SHISA9: variants seen among roughly 807,000 people sequenced by gnomAD.
The protein encoded by SHISA9 is shisa family member 9, also known as protein shisa-9.
In SHISA9, 13 loss-of-function variants were observed where a neutral mutation model predicts 38.0. The observed-to-expected ratio is 0.34, with a 90% CI of 0.22 to 0.54. The LOEUF is 0.54. SHISA9 is among the 20% of genes least tolerant of loss of function. SHISA9 has a pLI of 0.91. For synonymous variants in SHISA9, 275 were observed against 242.0 expected, an observed-to-expected ratio of 1.14 and a Z score of -1.27; for missense variants, 538 against 575.8, an observed-to-expected ratio of 0.93 and a Z score of 0.67.
intron 2 of SHISA9, among the ~76,000 whole-genome samples, chr16:13,067,949 C>T (rs1020956713): frequency 6.6e-6 from 1 of 152,252 alleles, no homozygotes; most frequent in Non-Finnish European, 1.5e-5. Flanking sequence ...CATTAATGCT[C>T]ACCATGCTAC....
At chr16:13,482,943 C>G in the SHISA9 span, among the ~76,000 whole-genome samples, 24 of 152,066 alleles carry the variant, frequency 1.6e-4, no homozygotes, top group African/African-American at 5.6e-4. Flanking sequence ...GCTGGTGCCC[C>G]AAGGCTGAGA....
At chr16:12,964,161 A>T (rs1480022001) in intron 2 of SHISA9, among the ~76,000 whole-genome samples, 3 of 152,224 alleles carry the variant, frequency 2.0e-5, no homozygotes, top group African/African-American at 7.2e-5. Flanking sequence ...CTAAGGTGCT[A>T]AATTTGAAAA....
chr16:12,903,673 C>A (rs2071053719), intron 1 of SHISA9, among the ~76,000 whole-genome samples: 2 of 152,096 alleles, frequency 1.3e-5, no homozygotes, highest in South Asian at 4.1e-4. Context: ...TGACTAGCGG[C>A]CTGCGAACAG....
the SHISA9 span, among the ~76,000 whole-genome samples, chr16:13,367,152 A>G: frequency 6.6e-6 from 1 of 151,790 alleles, no homozygotes; most frequent in East Asian, 1.9e-4. Context: ...TAAACCAACT[A>G]CAGTACTAGG....
chr16:13,155,709 G>C (rs895043911), intron 2 of SHISA9, among the ~76,000 whole-genome samples: 1 of 152,106 alleles, frequency 6.6e-6, no homozygotes, highest in African/African-American at 2.4e-5. Flanking sequence ...ACTGGGCCTG[G>C]GGGAAACGTG....
chr16:13,450,377 TG>T, the SHISA9 span, among the ~76,000 whole-genome samples: 1 of 152,186 alleles, frequency 6.6e-6, no homozygotes. Flanking sequence ...TTAGCCAAAC[TG>T]GTCTCCCATC....
chr16:13,402,024 C>T, the SHISA9 span, among the ~76,000 whole-genome samples: 2 of 152,152 alleles, frequency 1.3e-5, no homozygotes, highest in African/African-American at 2.4e-5. Context: ...CGGGTTCCTC[C>T]CATGGCATGT....
chr16:13,330,289 C>T, the SHISA9 span, among the ~76,000 whole-genome samples: 1 of 152,164 alleles, frequency 6.6e-6, no homozygotes, highest in Admixed American at 6.5e-5. Context: ...GTATAGCATA[C>T]TTATCAAATG....
the SHISA9 span, among the ~76,000 whole-genome samples, chr16:13,396,786 C>G: frequency 1.3e-5 from 2 of 152,298 alleles, no homozygotes; most frequent in South Asian, 4.1e-4. Context: ...CATCAGTCCT[C>G]AAGGAGTCTT....
At chr16:13,151,199 C>A (rs146557919) in intron 2 of SHISA9, among the ~76,000 whole-genome samples, 2 of 152,092 alleles carry the variant, frequency 1.3e-5, no homozygotes, top group East Asian at 1.9e-4. Flanking sequence ...ATTTGCCTCC[C>A]GGGTTCAAGC....
chr16:13,494,383 C>G, the SHISA9 span, among the ~76,000 whole-genome samples: 1 of 152,108 alleles, frequency 6.6e-6, no homozygotes, highest in African/African-American at 2.4e-5. Context: ...ACCCAAAACT[C>G]CACCCAATGT....
At chr16:13,074,222 G>A (rs2073554394) in intron 2 of SHISA9, among the ~76,000 whole-genome samples, 3 of 151,964 alleles carry the variant, frequency 2.0e-5, no homozygotes, top group Admixed American at 1.3e-4. Flanking sequence ...CACCCCCCTC[G>A]GCCTCCCAAA....
chr16:13,130,683 T>C (rs1167370868), intron 2 of SHISA9, among the ~76,000 whole-genome samples: 3 of 152,232 alleles, frequency 2.0e-5, no homozygotes, highest in African/African-American at 7.2e-5. Context: ...TAGCAGACTT[T>C]TTCTGTACAG....
At chr16:13,324,299 T>G in the SHISA9 span, among the ~76,000 whole-genome samples, 109 of 152,192 alleles carry the variant, frequency 7.2e-4, no homozygotes, top group Non-Finnish European at 1.3e-3. Flanking sequence ...CGTGACCTCT[T>G]AGCAGTATCT....
At chr16:13,010,722 C>A (rs937860015) in intron 2 of SHISA9, among the ~76,000 whole-genome samples, 6 of 152,072 alleles carry the variant, frequency 3.9e-5, no homozygotes, top group Admixed American at 2.0e-4. Context: ...GAGGCCAAGG[C>A]GGGCGGATCA....
chr16:13,439,171 C>T, the SHISA9 span, among the ~76,000 whole-genome samples: 4 of 152,202 alleles, frequency 2.6e-5, no homozygotes, highest in African/African-American at 9.7e-5. Context: ...CCTATGTCTC[C>T]TCTTTTCCCC....
chr16:13,425,213 G>C, the SHISA9 span, among the ~76,000 whole-genome samples: 1 of 152,092 alleles, frequency 6.6e-6, no homozygotes, highest in East Asian at 1.9e-4. Context: ...GCAGGGAGGG[G>C]CTGCGTGCGG....
chr16:13,365,378 T>C, the SHISA9 span, among the ~76,000 whole-genome samples: 1 of 152,042 alleles, frequency 6.6e-6, no homozygotes, highest in African/African-American at 2.4e-5. Context: ...TTATTGGACA[T>C]GTGATGTGTG....
rs368246045 is a variant in SHISA9, at chr16:13,004,650, C to G, written c.691+87835C>G. Among the ~76,000 whole-genome samples, 36 of 151,996 alleles carry G rather than the reference C, an allele frequency of 2.4e-4. No individual in the cohort carries two copies. In the South Asian group the frequency reaches 7.5e-3, roughly 32 times the overall value. On this transcript the variant is annotated intron_variant, in intron 2 of 4. Transcript: ENST00000558583. ...TGAAAAAGAAACAGGGTCTGCTAGG[C>G]GTGGTGGCTCATGCCTGTAATCCTA... is the stretch of plus-strand genomic sequence containing the variant.
Sources: gnomAD v4.1 joint callset for allele counts (sites outside exome capture counted in the v4.1 genomes callset) on GRCh38, gnomAD v4.1.1 for gene constraint, MANE v1.5 for transcripts, NCBI Gene and HGNC (gene_info 2026-07-23, HGNC 2026-07-21) for gene names.